The following UNC5C variants were observed in gnomAD, a reference collection of about 807,000 sequenced individuals.
UNC5C encodes unc-5 netrin receptor C.
A neutral mutation model predicts 99.8 loss-of-function variants in UNC5C; 47 were observed. The ratio of observed to expected loss-of-function variants is 0.47; its 90% confidence interval spans 0.37 to 0.60. The LOEUF (loss-of-function observed/expected upper bound fraction) is 0.60, where lower values mean the gene tolerates loss of function less well. UNC5C is among the 20% of genes least tolerant of loss of function. The pLI is 0.00. For synonymous variants in UNC5C, 487 were observed against 452.2 expected (o/e 1.08, Z -0.98); for missense variants, 1,062 against 1,165.9 (o/e 0.91, Z 1.30).
intron 1 of UNC5C, among the ~76,000 whole-genome samples, chr4:95,407,591 G>T (rs1318436902): frequency 6.6e-6 from 1 of 152,150 alleles, no homozygotes; most frequent in Non-Finnish European, 1.5e-5. Context: ...AGCACTTAGG[G>T]ATACATTAAT....
chr4:95,202,989 T>A (rs1316303392), intron 11 of UNC5C, 25 bp from the exon 12 acceptor site: 1 of 1,612,326 alleles, frequency 6.2e-7, no homozygotes, highest in South Asian at 1.1e-5. Flanking sequence ...GGAAGGGCCA[T>A]GGCTAAGTCA....
intron 2 of UNC5C, among the ~76,000 whole-genome samples, chr4:95,313,503 C>T (rs943428556): frequency 1.3e-5 from 2 of 152,022 alleles, no homozygotes; most frequent in Non-Finnish European, 2.9e-5. Flanking sequence ...AGAGCAATAT[C>T]CTTATTGACC....
At chr4:95,421,598 C>T (rs189601929) in intron 1 of UNC5C, among the ~76,000 whole-genome samples, 99 of 134,972 alleles carry the variant, frequency 7.3e-4, no homozygotes, top group Non-Finnish European at 1.3e-3. Flanking sequence ...TTGCTTCATA[C>T]TCCTACTATA....
chr4:95,349,639 A>C (rs892757267), intron 1 of UNC5C, among the ~76,000 whole-genome samples: 26 of 151,906 alleles, frequency 1.7e-4, no homozygotes, highest in Admixed American at 2.0e-4. Context: ...TTCAGCTTAG[A>C]ATAACCACAA....
At chr4:95,443,698 C>T (rs1431862117) in intron 1 of UNC5C, among the ~76,000 whole-genome samples, 1 of 151,854 alleles carries the variant, frequency 6.6e-6, no homozygotes, top group East Asian at 1.9e-4. Context: ...AAATGATGTT[C>T]CTATACAGAA....
chr4:95,388,427 C>G lies in UNC5C; in HGVS notation c.125-52796G>C, dbSNP rs141136544. Among the ~76,000 whole-genome samples the G allele has an allele frequency of 2.9e-4, 44 of 152,218 alleles. No homozygotes were observed. The South Asian group carries it at 8.3e-3, about 29-fold the overall frequency. On this transcript the variant is annotated intron_variant, in intron 1 of 15. Transcript: ENST00000453304. ...CACATAGTGAAACTGATGAACAATTCCTTTTGCTTCTTGATGTAAAGATTT... is the reference window on the plus strand; with the variant it reads ...CACATAGTGAAACTGATGAACAATTGCTTTTGCTTCTTGATGTAAAGATTT...
intron 12 of UNC5C, among the ~76,000 whole-genome samples, chr4:95,189,846 T>A (rs1181984214): frequency 1.3e-5 from 2 of 152,146 alleles, no homozygotes; most frequent in African/African-American, 4.8e-5. Context: ...AAACAACAGG[T>A]GCTGGAGAGG....
At chr4:95,231,560 G>A (rs1422440502) in intron 7 of UNC5C, among the ~76,000 whole-genome samples, 1 of 152,150 alleles carries the variant, frequency 6.6e-6, no homozygotes. Flanking sequence ...CCTTGACCTG[G>A]CCGCTTGGTC....
intron 1 of UNC5C, among the ~76,000 whole-genome samples, chr4:95,483,002 AGT>A (rs1560851038): frequency 3.1e-5 from 3 of 95,252 alleles, no homozygotes; most frequent in African/African-American, 1.5e-4. Flanking sequence ...TAAAACTTAA[AGT>A]ATAATAATAA....
intron 1 of UNC5C, among the ~76,000 whole-genome samples, chr4:95,368,305 A>AAAC (rs1744636339): frequency 6.6e-6 from 1 of 151,912 alleles, no homozygotes; most frequent in Non-Finnish European, 1.5e-5. Flanking sequence ...TTGAAAAAAA[A>AAAC]AAAAACCAAT....
rs1745732995 is a variant in UNC5C, at chr4:95,402,685, T to C, written c.125-67054A>G. Among the ~76,000 whole-genome samples, 3 of 152,160 alleles carry C rather than the reference T, an allele frequency of 2.0e-5. No individual in the cohort carries two copies. In the South Asian group the frequency reaches 6.2e-4, roughly 32 times the overall value. On this transcript the variant is annotated intron_variant, in intron 1 of 15. Transcript: ENST00000453304. Reference sequence around the variant, plus strand: ...CTATATAAATATGCTATAACACACATTTAGCAACTATGTCTCTTGATTGCA... The same window carrying C: ...CTATATAAATATGCTATAACACACACTTAGCAACTATGTCTCTTGATTGCA...
intron 1 of UNC5C, among the ~76,000 whole-genome samples, chr4:95,337,676 A>G (rs1408364907): frequency 3.3e-5 from 5 of 151,996 alleles, no homozygotes. Context: ...TTAAGACAAC[A>G]TGATCACCAC....
At chr4:95,181,332 C>G (rs1167499364) in intron 14 of UNC5C, among the ~76,000 whole-genome samples, 1 of 152,100 alleles carries the variant, frequency 6.6e-6, no homozygotes, top group East Asian at 1.9e-4. Context: ...CAAAACTGTC[C>G]TTTTTCTGAA....
chr4:95,218,543 A>T (rs1054916404), intron 9 of UNC5C, among the ~76,000 whole-genome samples: 1 of 152,196 alleles, frequency 6.6e-6, no homozygotes, highest in Non-Finnish European at 1.5e-5. Context: ...GATACCTCTG[A>T]TGATCAAAAA....
At chr4:95,452,598 C>T (rs1747309668) in intron 1 of UNC5C, among the ~76,000 whole-genome samples, 1 of 152,112 alleles carries the variant, frequency 6.6e-6, no homozygotes, top group African/African-American at 2.4e-5. Context: ...CTTAGAAATT[C>T]TGTAAAATCA....
chr4:95,452,084 T>G (rs1218545235), intron 1 of UNC5C, among the ~76,000 whole-genome samples: 1 of 152,162 alleles, frequency 6.6e-6, no homozygotes, highest in African/African-American at 2.4e-5. Context: ...TGGTAATGTA[T>G]ATGGTACATT....
chr4:95,324,698 T>C (rs923583937), intron 2 of UNC5C, among the ~76,000 whole-genome samples: 4 of 152,072 alleles, frequency 2.6e-5, no homozygotes, highest in Non-Finnish European at 5.9e-5. Flanking sequence ...ATGGGGGCAA[T>C]TGTCATGAAG....
At chr4:95,417,533 C>T (rs1023939314) in intron 1 of UNC5C, among the ~76,000 whole-genome samples, 8 of 152,062 alleles carry the variant, frequency 5.3e-5, no homozygotes, top group African/African-American at 1.7e-4. Context: ...GATTAAAAAC[C>T]AATTTAGGGA....
chr4:95,238,123 A>T (rs1283313392), intron 7 of UNC5C, among the ~76,000 whole-genome samples: 1 of 152,186 alleles, frequency 6.6e-6, no homozygotes, highest in African/African-American at 2.4e-5. Context: ...CTTTTCCTAT[A>T]ATTATGATTT....
Sources: allele counts gnomAD v4.1 joint callset (sites outside exome capture counted in the v4.1 genomes callset), GRCh38; gene constraint gnomAD v4.1.1; transcripts MANE v1.5; gene names NCBI Gene and HGNC (gene_info 2026-07-23, HGNC 2026-07-21).